Variants in EFCAB11 observed in about 807,000 individuals in gnomAD.
EFCAB11 encodes EF-hand calcium binding domain 11, also known as EF-hand calcium-binding domain-containing protein 11.
Under a neutral mutation model 23.0 loss-of-function variants are expected in EFCAB11, and 14 were observed. The observed-to-expected ratio is 0.61, with a 90% CI of 0.40 to 0.95. The LOEUF (loss-of-function observed/expected upper bound fraction) is 0.95, where lower values mean the gene tolerates loss of function less well. EFCAB11 is among the 40% of genes least tolerant of loss of function. EFCAB11 has a pLI of 0.00. For missense variants in EFCAB11, 198 were observed against 195.8 expected (o/e 1.01, Z -0.07); for synonymous variants, 65 against 66.6 (o/e 0.98, Z 0.11).
intron 3 of EFCAB11, among the ~76,000 whole-genome samples, chr14:89,945,112 T>TC (rs766172968): frequency 2.9e-4 from 44 of 150,644 alleles, no homozygotes; most frequent in South Asian, 1.5e-3. Flanking sequence ...TGCTCTCTTT[T>TC]CCCCCCCCAC....
chr14:89,885,041 G>C (rs909505441), intron 5 of EFCAB11, among the ~76,000 whole-genome samples: 16 of 152,174 alleles, frequency 1.1e-4, no homozygotes, highest in African/African-American at 3.6e-4. Context: ...TGTTGTTTAA[G>C]CCACCCAGTC....
intron 3 of EFCAB11, among the ~76,000 whole-genome samples, chr14:89,936,966 CT>C (rs758464098): frequency 1.3e-5 from 2 of 152,148 alleles, no homozygotes; most frequent in Non-Finnish European, 2.9e-5. Context: ...CCTGTGTCCC[CT>C]CCCACCCCGC....
At chr14:89,934,175 T>C (rs1890496981) in intron 3 of EFCAB11, among the ~76,000 whole-genome samples, 1 of 152,166 alleles carries the variant, frequency 6.6e-6, no homozygotes, top group Non-Finnish European at 1.5e-5. Flanking sequence ...ATTGGGAAGT[T>C]ACATGATCTT....
At chr14:89,855,219 T>C (rs1887714828) in intron 5 of EFCAB11, among the ~76,000 whole-genome samples, 1 of 152,002 alleles carries the variant, frequency 6.6e-6, no homozygotes, top group Admixed American at 6.6e-5. Context: ...GGCATGCCTG[T>C]AATCCCAGCA....
At chr14:89,901,922 C>T (rs1889351353) in intron 5 of EFCAB11, among the ~76,000 whole-genome samples, 1 of 151,890 alleles carries the variant, frequency 6.6e-6, no homozygotes, top group African/African-American at 2.4e-5. Context: ...GCATGCTCAA[C>T]CAGTAAGTAT....
intron 5 of EFCAB11, among the ~76,000 whole-genome samples, chr14:89,864,687 C>G (rs190373658): frequency 6.6e-6 from 1 of 152,294 alleles, no homozygotes; most frequent in Admixed American, 6.5e-5. Flanking sequence ...GATCTGCCTG[C>G]CTTGGCCTCC....
chr14:89,939,242 T>C (rs980035949), intron 3 of EFCAB11, among the ~76,000 whole-genome samples: 3 of 151,878 alleles, frequency 2.0e-5, no homozygotes, highest in African/African-American at 7.3e-5. Flanking sequence ...AATTCATTTA[T>C]AGTTACATAC....
intron 5 of EFCAB11, among the ~76,000 whole-genome samples, chr14:89,859,516 C>T (rs1037891251): frequency 5.9e-5 from 9 of 152,146 alleles, no homozygotes; most frequent in Non-Finnish European, 8.8e-5. Flanking sequence ...AACTCAAATG[C>T]CAAAGGCAGG....
intron 5 of EFCAB11, among the ~76,000 whole-genome samples, chr14:89,809,759 A>G (rs1886089599): frequency 6.6e-6 from 1 of 152,192 alleles, no homozygotes; most frequent in South Asian, 2.1e-4. Flanking sequence ...TCTGAGAAAG[A>G]GAATGAATTG....
intron 5 of EFCAB11, among the ~76,000 whole-genome samples, chr14:89,825,102 CAAAAAAAA>C (rs35074143): frequency 3.3e-5 from 2 of 60,242 alleles, no homozygotes; most frequent in African/African-American, 1.1e-4. Context: ...ATGCTGGGAC[CAAAAAAAA>C]AAAAAAAAAA....
intron 5 of EFCAB11, among the ~76,000 whole-genome samples, chr14:89,840,106 A>G (rs540759488): frequency 6.6e-6 from 1 of 152,362 alleles, no homozygotes; most frequent in African/African-American, 2.4e-5. Flanking sequence ...GTGCCCTTGT[A>G]CTATACTGTA....
At chr14:89,838,455 C>G (rs374669348) in intron 5 of EFCAB11, among the ~76,000 whole-genome samples, 1 of 147,346 alleles carries the variant, frequency 6.8e-6, no homozygotes, top group African/African-American at 2.5e-5. Context: ...AAAAAAAAAA[C>G]CAAAAAAACC....
chr14:89,822,868 A>G (rs1886570463), intron 5 of EFCAB11, among the ~76,000 whole-genome samples: 2 of 152,236 alleles, frequency 1.3e-5, no homozygotes, highest in African/African-American at 4.8e-5. Flanking sequence ...AACAAAGCTT[A>G]TAAACCAGCC....
At chr14:89,951,107 A>G (rs1002346808) in intron 2 of EFCAB11, among the ~76,000 whole-genome samples, 3 of 151,474 alleles carry the variant, frequency 2.0e-5, no homozygotes, top group African/African-American at 7.3e-5. Context: ...CTAACGGTGG[A>G]TTTTCACCAC....
At chr14:89,802,922 A>C (rs1290066840) in intron 5 of EFCAB11, among the ~76,000 whole-genome samples, 1 of 152,240 alleles carries the variant, frequency 6.6e-6, no homozygotes, top group Non-Finnish European at 1.5e-5. Flanking sequence ...CACAACAGCT[A>C]GCGCTGGGCT....
chr14:89,834,119 C>T (rs1243387546), intron 5 of EFCAB11, among the ~76,000 whole-genome samples: 1 of 148,776 alleles, frequency 6.7e-6, no homozygotes, highest in Non-Finnish European at 1.5e-5. Context: ...CTTTGGGAGG[C>T]TGAGGCGGGC....
Position 89,912,889 on chromosome 14 carries a change from G to A in EFCAB11, c.410+18652C>T, listed in dbSNP as rs186856267. Among the ~76,000 whole-genome samples, 8 of 152,328 alleles carry A rather than the reference G, an allele frequency of 5.3e-5. No homozygotes were observed. The East Asian group carries it at 9.6e-4, about 18-fold the overall frequency. ...ATAGTCACTCTGCTCTGCAGTACAC[G>A]TCTATAAATCAAACTTGCATAAAGA... is the stretch of plus-strand genomic sequence containing the variant. On this transcript the variant is annotated intron_variant, in intron 5 of 5. Transcript: ENST00000316738.
At chr14:89,884,617 T>A (rs1433737896) in intron 5 of EFCAB11, among the ~76,000 whole-genome samples, 3 of 152,224 alleles carry the variant, frequency 2.0e-5, no homozygotes, top group South Asian at 4.1e-4. Flanking sequence ...ATAAAACTAC[T>A]ATTGTTTGAA....
chr14:89,949,440 T>C (rs1362354620), intron 3 of EFCAB11, among the ~76,000 whole-genome samples: 5 of 152,128 alleles, frequency 3.3e-5, no homozygotes, highest in Non-Finnish European at 7.4e-5. Flanking sequence ...TCTCAGCTCA[T>C]TGCAATCTCT....
Sources: allele counts gnomAD v4.1 joint callset (sites outside exome capture counted in the v4.1 genomes callset), GRCh38; gene constraint gnomAD v4.1.1; transcripts MANE v1.5; gene names NCBI Gene and HGNC (gene_info 2026-07-23, HGNC 2026-07-21).